The following ANKRD31 variants were observed in gnomAD, a reference collection of about 807,000 sequenced individuals.
ANKRD31 encodes ankyrin repeat domain 31.
In ANKRD31, 147 loss-of-function variants were observed where a neutral mutation model predicts 186.0. That is an observed-to-expected ratio of 0.79 (90% CI 0.69 to 0.91). The LOEUF (loss-of-function observed/expected upper bound fraction) is 0.91. Ranked by LOEUF, ANKRD31 falls within the 40% of genes least tolerant of loss-of-function variation. The pLI is 0.00. For missense variants in ANKRD31, 1,986 were observed against 2,148.8 expected, an observed-to-expected ratio of 0.92 and a Z score of 1.50; for synonymous variants, 673 against 736.4, an observed-to-expected ratio of 0.91 and a Z score of 1.39.
At chr5:75,175,454 G>A (rs1753713806) in intron 10 of ANKRD31, among the ~76,000 whole-genome samples, 1 of 152,038 alleles carries the variant, frequency 6.6e-6, no homozygotes, top group South Asian at 2.1e-4. Flanking sequence ...GTTTAATCGT[G>A]AAATATGCTG....
At chr5:75,193,649 A>G in intron 7 of ANKRD31, 58 bp from the exon 8 acceptor site, 1 of 1,445,606 alleles carries the variant, frequency 6.9e-7, no homozygotes, top group Non-Finnish European at 9.1e-7. Flanking sequence ...AATTAAAACT[A>G]TAAGAAGTTA....
At chr5:75,133,171 T>A (rs1398104386) in intron 17 of ANKRD31, among the ~76,000 whole-genome samples, 1 of 152,118 alleles carries the variant, frequency 6.6e-6, no homozygotes, top group Admixed American at 6.5e-5. Flanking sequence ...TATATTAACC[T>A]TAAATGTAAA....
chr5:75,138,914 C>T lies in ANKRD31; in HGVS notation c.3665G>A (p.Arg1222Lys). 6.5e-7 allele frequency: 1 copy of T among 1,536,888 alleles called. No individual in the cohort carries two copies. Among genetic ancestry groups the T allele is most frequent in the South Asian group, 1.2e-5 (1 of 84,032 alleles). ...GGCTTTCACTAGGGGCAGATTTCCT[C>T]TTCTGACAGCTAAATGAAGCTGGCT... is the stretch of plus-strand genomic sequence containing the variant. ...GESQLHLAVR[R>K]GNLPLVKALI... Residue 1222 changes from arginine to lysine, a missense_variant, in exon 16 of 26, where the codon AGA becomes AAA. Coordinates refer to ENST00000506364, the MANE Select transcript of ANKRD31 (RefSeq NM_001372053.1).
At chr5:75,095,835 A>G (rs1178981546) in intron 22 of ANKRD31, among the ~76,000 whole-genome samples, 1 of 152,210 alleles carries the variant, frequency 6.6e-6, no homozygotes, top group African/African-American at 2.4e-5. Flanking sequence ...CAGTATATAC[A>G]GGGTTCGGGA....
intron 22 of ANKRD31, among the ~76,000 whole-genome samples, chr5:75,094,513 C>G (rs1746163861): frequency 6.6e-6 from 1 of 152,004 alleles, no homozygotes; most frequent in Non-Finnish European, 1.5e-5. Flanking sequence ...AGAGCAGCTA[C>G]TGCAAGCACA....
intron 9 of ANKRD31, 79 bp downstream of exon 9, chr5:75,192,588 G>T: frequency 8.6e-7 from 1 of 1,167,790 alleles, no homozygotes; most frequent in Non-Finnish European, 1.2e-6. Flanking sequence ...TTAGAAAGTT[G>T]AGAAAGATAA....
Position 75,236,633 on chromosome 5 carries a change from C to T in ANKRD31, c.54G>A (p.Glu18=), listed in dbSNP as rs1453286419. The T allele has an allele frequency of 6.5e-7, 1 of 1,537,324 alleles. No individual in the cohort carries two copies. The highest frequency in any genetic ancestry group is 1.7e-4 in the Middle Eastern group (1 of 5,988). ...PDWDSDETVI[E]GSVTESDLEE... ...CCAGGTCGCTCTCCGTCACTGAACC[C>T]TCTATCACAGTTTCATCACTGTCCC... The change falls in exon 1 of 26, where the codon GAG becomes GAA. Residue 18 remains glutamate (E), a synonymous_variant. Transcript: ENST00000506364.
At chr5:75,226,420 T>C (rs977714107) in intron 2 of ANKRD31, among the ~76,000 whole-genome samples, 1 of 152,104 alleles carries the variant, frequency 6.6e-6, no homozygotes, top group Admixed American at 6.5e-5. Flanking sequence ...TCTGTCCCAG[T>C]GGTGGTAGCC....
chr5:75,123,916 AAAAC>A lies in ANKRD31; in HGVS notation c.3877-5623_3877-5620del, dbSNP rs557020361. Among the ~76,000 whole-genome samples, 12 of 152,226 alleles carry A rather than the reference AAAAC, an allele frequency of 7.9e-5. 2 individuals carry two copies. Among genetic ancestry groups the A allele is most frequent in the African/African-American group, 2.9e-4 (12 of 41,564 alleles). ...CTTGAAACCATAAGCAACGAAAACA[AAAAC>A]AGACATATGAAACTATATTAAACTA... On this transcript the variant is annotated intron_variant, in intron 17 of 25. Transcript: ENST00000506364.
intron 15 of ANKRD31, among the ~76,000 whole-genome samples, chr5:75,141,171 G>T (rs1293803013): frequency 6.6e-6 from 1 of 152,138 alleles, no homozygotes; most frequent in African/African-American, 2.4e-5. Flanking sequence ...CAGGGCAAGA[G>T]ATAAAAAGAT....
intron 10 of ANKRD31, among the ~76,000 whole-genome samples, chr5:75,181,265 G>A (rs1025275923): frequency 8.5e-5 from 13 of 152,110 alleles, no homozygotes; most frequent in African/African-American, 2.9e-4. Flanking sequence ...GGAGAAATAG[G>A]AACACTTTTA....
intron 10 of ANKRD31, among the ~76,000 whole-genome samples, chr5:75,185,324 C>T (rs1029436454): frequency 3.3e-5 from 5 of 152,136 alleles, no homozygotes; most frequent in African/African-American, 9.7e-5. Flanking sequence ...CTTTGGGAGG[C>T]TGAGGCAGGT....
At chr5:75,236,042 GC>G (rs1290342094) in intron 1 of ANKRD31, among the ~76,000 whole-genome samples, 1 of 152,164 alleles carries the variant, frequency 6.6e-6, no homozygotes, top group Non-Finnish European at 1.5e-5. Context: ...CCTCATCCCT[GC>G]CCTCTTTTCC....
chr5:75,084,286 T>C lies in ANKRD31; in HGVS notation c.5561A>G (p.Gln1854Arg). The change falls in exon 24 of 26, where the codon CAA becomes CGA. Residue 1854 changes from glutamine to arginine, a missense_variant. Gln to Arg is a conservative substitution (Grantham distance 43, BLOSUM62 1). Transcript: ENST00000506364. ...TCTGTACATACCTGGAAGACAAGGT[T>C]GATATTGCTGAGGTACTGAGTTTGG... ...PEPNSVPQQY[Q>R]PCLPEVACLD... 1 of 1,536,256 alleles carries C rather than the reference T, an allele frequency of 6.5e-7. No individual in the cohort carries two copies.
intron 10 of ANKRD31, among the ~76,000 whole-genome samples, chr5:75,171,638 A>G (rs1452963195): frequency 1.3e-5 from 2 of 151,824 alleles, no homozygotes; most frequent in African/African-American, 4.8e-5. Context: ...TAACAAAGAC[A>G]ACTAAAAGAG....
At chr5:75,182,224 C>G (rs2150222123) in intron 10 of ANKRD31, among the ~76,000 whole-genome samples, 1 of 152,212 alleles carries the variant, frequency 6.6e-6, no homozygotes, top group South Asian at 2.1e-4. Flanking sequence ...GGTTCTGGAA[C>G]CTGTGAAAAT....
At chr5:75,112,193 C>A (rs1158495940) in intron 20 of ANKRD31, among the ~76,000 whole-genome samples, 1 of 152,096 alleles carries the variant, frequency 6.6e-6, no homozygotes, top group Non-Finnish European at 1.5e-5. Context: ...AGGGTTCATG[C>A]CATTCTCCTG....
In ANKRD31 at chr5:75,080,047, G is replaced by A. The variant is rs554311189; in HGVS notation, c.5647+521C>T. On this transcript the variant is annotated intron_variant, in intron 25 of 25. Transcript: ENST00000506364. ...TGGGAGATCGAGGCTGCAATGAGCCGAGATCGTGCCACCACACTCCAGCCT... is the reference window on the plus strand; with the variant it reads ...TGGGAGATCGAGGCTGCAATGAGCCAAGATCGTGCCACCACACTCCAGCCT... 1.7e-3 allele frequency among the ~76,000 whole-genome samples: 252 copies of A among 152,016 alleles called. 2 individuals carry two copies. The highest frequency in any genetic ancestry group is 5.7e-3 in the African/African-American group (238 of 41,484).
At chr5:75,160,836 G>C (rs1490656788) in intron 11 of ANKRD31, among the ~76,000 whole-genome samples, 2 of 152,110 alleles carry the variant, frequency 1.3e-5, no homozygotes, top group Non-Finnish European at 2.9e-5. Flanking sequence ...GATATCTGAT[G>C]GCTTAATAAG....
Sources: gnomAD v4.1 joint callset for allele counts (sites outside exome capture counted in the v4.1 genomes callset) on GRCh38, gnomAD v4.1.1 for gene constraint, MANE v1.5 for transcripts, NCBI Gene and HGNC (gene_info 2026-07-23, HGNC 2026-07-21) for gene names.